Variants in ATP8A2 observed in about 807,000 individuals in gnomAD.
ATP8A2 encodes phospholipid-transporting ATPase IB.
ATP8A2 carries 100 observed loss-of-function variants against 165.6 expected under a neutral mutation model. The observed-to-expected ratio is 0.60, with a 90% CI of 0.51 to 0.71. ATP8A2 has a LOEUF of 0.71. Ranked by LOEUF, ATP8A2 falls within the 30% of genes least tolerant of loss-of-function variation. The probability of loss-of-function intolerance (pLI) is 0.00; values close to 1 mark genes in which losing one functional copy is unlikely to be tolerated. For missense variants in ATP8A2, 1,227 were observed against 1,479.5 expected, an observed-to-expected ratio of 0.83 and a Z score of 2.80; for synonymous variants, 543 against 548.8, an observed-to-expected ratio of 0.99 and a Z score of 0.15.
At chr13:25,653,959 A>T (rs2041871632) in intron 24 of ATP8A2, among the ~76,000 whole-genome samples, 2 of 152,110 alleles carry the variant, frequency 1.3e-5, no homozygotes, top group Non-Finnish European at 2.9e-5. Context: ...GGTGAATGGG[A>T]TACCTCTGGA....
intron 2 of ATP8A2, among the ~76,000 whole-genome samples, chr13:25,509,889 C>T (rs2037166264): frequency 6.6e-6 from 1 of 152,126 alleles, no homozygotes; most frequent in South Asian, 2.1e-4. Flanking sequence ...CTTCCTTAAA[C>T]ATCAGTTCTC....
At chr13:25,755,951 G>A (rs914102147) in intron 25 of ATP8A2, among the ~76,000 whole-genome samples, 4 of 152,182 alleles carry the variant, frequency 2.6e-5, no homozygotes, top group African/African-American at 7.2e-5. Flanking sequence ...CAGTGGACTT[G>A]AAGGGAAGGG....
chr13:25,536,111 A>T (rs1289693601), intron 6 of ATP8A2, among the ~76,000 whole-genome samples: 1 of 151,884 alleles, frequency 6.6e-6, no homozygotes, highest in East Asian at 1.9e-4. Context: ...AAATCGTTTT[A>T]ATTTTATTTT....
At chr13:25,704,725 A>G (rs1288399971) in intron 25 of ATP8A2, among the ~76,000 whole-genome samples, 2 of 152,218 alleles carry the variant, frequency 1.3e-5, no homozygotes, top group African/African-American at 4.8e-5. Context: ...TTGAGGTCAG[A>G]CATTAAAATC....
intron 2 of ATP8A2, among the ~76,000 whole-genome samples, chr13:25,473,526 T>G (rs113834889): frequency 2.6e-5 from 4 of 152,330 alleles, no homozygotes; most frequent in Non-Finnish European, 5.9e-5. Context: ...TTTCAAATGT[T>G]TTAAAGGTTT....
At chr13:25,913,433 A>G (rs1377337892) in intron 33 of ATP8A2, among the ~76,000 whole-genome samples, 1 of 152,224 alleles carries the variant, frequency 6.6e-6, no homozygotes, top group Non-Finnish European at 1.5e-5. Context: ...TTTTCCTTTC[A>G]TAAAACTATA....
At chr13:25,603,993 G>A (rs543708124) in intron 24 of ATP8A2, among the ~76,000 whole-genome samples, 2 of 152,160 alleles carry the variant, frequency 1.3e-5, no homozygotes, top group Non-Finnish European at 2.9e-5. Flanking sequence ...CAGGTCACCA[G>A]GATTGATAAG....
intron 25 of ATP8A2, among the ~76,000 whole-genome samples, chr13:25,767,510 G>T (rs1382116238): frequency 6.6e-6 from 1 of 152,244 alleles, no homozygotes; most frequent in Non-Finnish European, 1.5e-5. Context: ...GAGGAAAGAT[G>T]TGATAGCTGT....
At chr13:25,468,712 G>C in intron 1 of ATP8A2, 3 of 460,642 alleles carry the variant, frequency 6.5e-6, no homozygotes, top group Non-Finnish European at 8.6e-6. Flanking sequence ...GCTGGGGGCG[G>C]CTCTCCCGGG....
chr13:25,446,572 C>G (rs898499907), intron 1 of ATP8A2, among the ~76,000 whole-genome samples: 1 of 152,098 alleles, frequency 6.6e-6, no homozygotes, highest in African/African-American at 2.4e-5. Context: ...ATTCCATTAT[C>G]TTTTTTGGAA....
intron 1 of ATP8A2, among the ~76,000 whole-genome samples, chr13:25,405,794 G>A (rs950300914): frequency 6.6e-6 from 1 of 152,214 alleles, no homozygotes; most frequent in Non-Finnish European, 1.5e-5. Context: ...GCTAGACAGT[G>A]CCTTGCACTT....
At position 25,945,575 on chromosome 13, in the gene ATP8A2, C is replaced by T. The variant is rs112056575; in HGVS notation, c.3184-16000C>T. 9.3e-4 allele frequency among the ~76,000 whole-genome samples: 142 copies of T among 152,160 alleles called. 1 individual carries two copies. Among genetic ancestry groups the T allele is most frequent in the Middle Eastern group, 3.4e-3 (1 of 294 alleles). ...AGAACATTTTTCTATTAAAAAATAA[C>T]AACCACCACCATGAACTTTGGTGTG... On this transcript the variant is annotated intron_variant, in intron 33 of 36. Transcript: ENST00000381655.
chr13:25,939,165 C>T (rs1415010014), intron 33 of ATP8A2, among the ~76,000 whole-genome samples: 2 of 152,084 alleles, frequency 1.3e-5, no homozygotes, highest in East Asian at 3.9e-4. Context: ...TTGATTGCCT[C>T]ATGGGAACTA....
At chr13:25,441,235 A>G (rs999568595) in intron 1 of ATP8A2, among the ~76,000 whole-genome samples, 4 of 152,246 alleles carry the variant, frequency 2.6e-5, no homozygotes, top group African/African-American at 9.6e-5. Context: ...AGAAATCCAA[A>G]GAACATAAAT....
intron 35 of ATP8A2, among the ~76,000 whole-genome samples, chr13:25,994,574 TG>T (rs1956459691): frequency 6.6e-6 from 1 of 152,138 alleles, no homozygotes; most frequent in Non-Finnish European, 1.5e-5. Flanking sequence ...AGAGATTTTT[TG>T]TTTGTTTTTA....
chr13:25,448,351 A>G (rs2035125183), intron 1 of ATP8A2, among the ~76,000 whole-genome samples: 2 of 152,350 alleles, frequency 1.3e-5, no homozygotes, highest in East Asian at 1.9e-4. Context: ...AGTTTTGGCT[A>G]ATATTTGGAG....
intron 35 of ATP8A2, among the ~76,000 whole-genome samples, chr13:25,992,794 C>T (rs1254209505): frequency 1.3e-5 from 2 of 151,464 alleles, no homozygotes; most frequent in Non-Finnish European, 2.9e-5. Context: ...CCCACTAACT[C>T]GTCATCTAGC....
chr13:25,810,171 C>G (rs1213566529), intron 27 of ATP8A2, among the ~76,000 whole-genome samples: 1 of 152,242 alleles, frequency 6.6e-6, no homozygotes, highest in Non-Finnish European at 1.5e-5. Context: ...GAAAAGCACT[C>G]TCTCTGAACG....
chr13:25,434,661 CA>C (rs2034705869), intron 1 of ATP8A2, among the ~76,000 whole-genome samples: 1 of 152,132 alleles, frequency 6.6e-6, no homozygotes. Flanking sequence ...ACTTTCTTTT[CA>C]AGCACAGTAG....
Sources: gnomAD v4.1 joint callset for allele counts (sites outside exome capture counted in the v4.1 genomes callset) on GRCh38, gnomAD v4.1.1 for gene constraint, MANE v1.5 for transcripts, NCBI Gene and HGNC (gene_info 2026-07-23, HGNC 2026-07-21) for gene names.